Variants in AKT3 observed in about 807,000 individuals in gnomAD.
AKT3 encodes the protein RAC-gamma serine/threonine-protein kinase.
AKT3 carries 15 observed loss-of-function variants against 65.3 expected under a neutral mutation model. The observed-to-expected ratio is 0.23, with a 90% CI of 0.15 to 0.35. The LOEUF is 0.35. Among genes scored for constraint, AKT3 ranks in the 10% least tolerant of loss-of-function variants. The pLI is 1.00. For missense variants in AKT3, 243 were observed against 576.5 expected, an observed-to-expected ratio of 0.42 and a Z score of 5.92; for synonymous variants, 206 against 183.8, an observed-to-expected ratio of 1.12 and a Z score of -0.98.
intron 3 of AKT3, among the ~76,000 whole-genome samples, chr1:243,672,552 T>G (rs1683226334): frequency 6.6e-6 from 1 of 152,310 alleles, no homozygotes; most frequent in Non-Finnish European, 1.5e-5. Flanking sequence ...TCAGACTGGA[T>G]TACTAACATT....
chr1:243,505,572 A>C (rs965565924), intron 13 of AKT3, among the ~76,000 whole-genome samples: 2 of 152,226 alleles, frequency 1.3e-5, no homozygotes, highest in African/African-American at 4.8e-5. Context: ...TCAAAATTTC[A>C]AGACTCAATG....
At chr1:243,850,322 G>GGC, upstream of AKT3, among the ~76,000 whole-genome samples, 2 of 127,418 alleles carry the variant, frequency 1.6e-5, no homozygotes, top group South Asian at 2.5e-4. Flanking sequence ...GCGGCGGCGG[G>GGC]AGGGGGAGGG....
At chr1:243,585,421 CA>C (rs1435101661) in intron 8 of AKT3, among the ~76,000 whole-genome samples, 1 of 151,718 alleles carries the variant, frequency 6.6e-6, no homozygotes. Flanking sequence ...AAAAAAGAGC[CA>C]GAATAGCCAA....
chr1:243,573,163 C>G, intron 8 of AKT3, 115 bp from the exon 9 acceptor site: 11 of 1,222,896 alleles, frequency 9.0e-6, no homozygotes, highest in Non-Finnish European at 1.1e-5. Context: ...AGTGTACTCT[C>G]AGTGGACACT....
intron 12 of AKT3, among the ~76,000 whole-genome samples, chr1:243,512,654 A>C (rs1009802273): frequency 6.6e-6 from 1 of 152,120 alleles, no homozygotes; most frequent in African/African-American, 2.4e-5. Flanking sequence ...AAAACAACAA[A>C]AGAAAACCAT....
At chr1:243,689,495 T>C (rs955142274) in intron 3 of AKT3, among the ~76,000 whole-genome samples, 1 of 151,020 alleles carries the variant, frequency 6.6e-6, no homozygotes, top group Non-Finnish European at 1.5e-5. Context: ...TTTTTTTTTT[T>C]TTTTTTTTTA....
At chr1:243,512,272 A>G in intron 13 of AKT3, 52 bp downstream of exon 13, 1 of 1,018,944 alleles carries the variant, frequency 9.8e-7, no homozygotes, top group Non-Finnish European at 1.4e-6. Flanking sequence ...CTTCAATTAC[A>G]TTAGGAGAAA....
chr1:243,725,529 CAAG>C (rs1417393613), intron 2 of AKT3, among the ~76,000 whole-genome samples: 1 of 152,064 alleles, frequency 6.6e-6, no homozygotes, highest in East Asian at 1.9e-4. Context: ...ACTTCAGAGA[CAAG>C]AATAATATAC....
At chr1:243,600,827 T>G (rs1426675805) in intron 8 of AKT3, among the ~76,000 whole-genome samples, 1 of 152,184 alleles carries the variant, frequency 6.6e-6, no homozygotes, top group East Asian at 1.9e-4. Context: ...AAACAAAATG[T>G]ACAAATCATA....
At chr1:243,592,903 T>G (rs562654004) in intron 8 of AKT3, among the ~76,000 whole-genome samples, 4 of 152,280 alleles carry the variant, frequency 2.6e-5, no homozygotes, top group Admixed American at 2.6e-4. Context: ...AAATGTAAAA[T>G]GTATTGTAAC....
At chr1:243,520,998 T>G (rs956622111) in intron 12 of AKT3, among the ~76,000 whole-genome samples, 1 of 152,232 alleles carries the variant, frequency 6.6e-6, no homozygotes, top group Non-Finnish European at 1.5e-5. Context: ...TCCATGAGTG[T>G]ATGCATGAAC....
chr1:243,589,332 A>G (rs1159100352), intron 8 of AKT3, among the ~76,000 whole-genome samples: 1 of 151,440 alleles, frequency 6.6e-6, no homozygotes, highest in Non-Finnish European at 1.5e-5. Context: ...AAAGAAAAAA[A>G]AAGAAAAAAG....
At chr1:243,727,822 T>C (rs1320898695) in intron 2 of AKT3, among the ~76,000 whole-genome samples, 1 of 152,096 alleles carries the variant, frequency 6.6e-6, no homozygotes, top group Non-Finnish European at 1.5e-5. Flanking sequence ...TTTGTAAGTA[T>C]CAAACTAAAA....
intron 6 of AKT3, among the ~76,000 whole-genome samples, chr1:243,635,777 G>A (rs1490843286): frequency 6.6e-6 from 1 of 151,974 alleles, no homozygotes. Flanking sequence ...AACATCACCA[G>A]TAAAAAGATA....
At chr1:243,841,438 C>CA (rs1174691542) in intron 2 of AKT3, among the ~76,000 whole-genome samples, 4 of 151,740 alleles carry the variant, frequency 2.6e-5, no homozygotes, top group Admixed American at 6.6e-5. Flanking sequence ...CATCCCCCTC[C>CA]AAAAAAAGTA....
At chr1:243,651,272 A>G (rs901731125) in intron 4 of AKT3, among the ~76,000 whole-genome samples, 5 of 152,224 alleles carry the variant, frequency 3.3e-5, no homozygotes, top group Admixed American at 6.5e-5. Context: ...GAAGTTGCAT[A>G]TCAGCTTAAG....
intron 4 of AKT3, among the ~76,000 whole-genome samples, chr1:243,663,539 C>T (rs1478312488): frequency 6.6e-6 from 1 of 151,888 alleles, no homozygotes; most frequent in East Asian, 1.9e-4. Context: ...ATATGAAAGG[C>T]CTAATTACGT....
rs1672762673 is a variant in AKT3 at position 243,547,593 on chromosome 1, A to C, written c.1164-1996T>G. Among the ~76,000 whole-genome samples the C allele has an allele frequency of 2.0e-5, 3 of 152,222 alleles. No homozygotes were observed. The South Asian group carries it at 6.2e-4, about 32-fold the overall frequency. ...GATGGTTTTATCTGGATGCAATTCC[A>C]TCATTAGTTGAGGAGCATACTAAAT... On this transcript the variant is annotated intron_variant, in intron 11 of 13. Coordinates refer to ENST00000673466, the MANE Select transcript of AKT3 (RefSeq NM_005465.7).
At chr1:243,574,885 A>G (rs1362046879) in intron 8 of AKT3, among the ~76,000 whole-genome samples, 1 of 152,100 alleles carries the variant, frequency 6.6e-6, no homozygotes, top group Non-Finnish European at 1.5e-5. Context: ...CTACTTACCC[A>G]CTCATTTAAC....
Sources: allele counts gnomAD v4.1 joint callset (sites outside exome capture counted in the v4.1 genomes callset), GRCh38; gene constraint gnomAD v4.1.1; transcripts MANE v1.5; gene names NCBI Gene and HGNC (gene_info 2026-07-23, HGNC 2026-07-21).